KIRREL1: variants seen among roughly 807,000 people sequenced by gnomAD.
KIRREL1 encodes kin of IRRE-like protein 1.
Under a neutral mutation model 83.3 loss-of-function variants are expected in KIRREL1, and 25 were observed. The ratio of observed to expected loss-of-function variants is 0.30; its 90% CI spans 0.22 to 0.42. The LOEUF (loss-of-function observed/expected upper bound fraction) is 0.42, where lower values mean the gene tolerates loss of function less well. Ranked by LOEUF, KIRREL1 falls within the 10% of genes least tolerant of loss-of-function variation. KIRREL1 has a pLI of 1.00. For missense variants in KIRREL1, 812 were observed against 1,032.3 expected (o/e 0.79, Z 2.92); for synonymous variants, 388 against 410.4 (o/e 0.95, Z 0.66).
At position 158,088,070 on chromosome 1, in the gene KIRREL1, T is replaced by A; in HGVS notation, c.832T>A (p.Tyr278Asn). Residue 278 changes from tyrosine to asparagine, a missense_variant, in exon 7 of 15, where the codon TAT becomes AAT. Tyr to Asn is a moderately radical substitution (Grantham distance 143, BLOSUM62 -2). Coordinates refer to ENST00000359209, the MANE Select transcript of KIRREL1 (RefSeq NM_018240.7). ...HESRYETNVDYSFFTEPVSCE... is the reference protein window; with the variant it reads ...HESRYETNVDNSFFTEPVSCE... The stretch of plus-strand genomic sequence containing the variant: ...GAGTCGCTATGAGACAAATGTGGAT[T>A]ATTCCTTTTTCACGGAGCCTGTGTC... 6.2e-7 allele frequency: 1 copy of A among 1,614,160 alleles called. No homozygotes were observed. Among genetic ancestry groups the A allele is most frequent in the Non-Finnish European group, 8.5e-7 (1 of 1,180,042 alleles).
chr1:158,007,083 A>G (rs1187117696), intron 1 of KIRREL1, among the ~76,000 whole-genome samples: 2 of 152,182 alleles, frequency 1.3e-5, no homozygotes, highest in African/African-American at 4.8e-5. Flanking sequence ...ACTGAACCGT[A>G]TAAGTGCAAA....
In KIRREL1 at chr1:158,086,751, G is replaced by T; in HGVS notation, c.661+5G>T. ...CCATCGAGCTGGATGTGCACCGTGAGTGGGCTGGGGGGAGCAGTCTGGAGC... is the reference window on the plus strand; with the variant it reads ...CCATCGAGCTGGATGTGCACCGTGATTGGGCTGGGGGGAGCAGTCTGGAGC... On this transcript the variant is annotated splice_donor_5th_base_variant and intron_variant, in intron 5 of 14. Coordinates refer to ENST00000359209, the MANE Select transcript of KIRREL1 (RefSeq NM_018240.7). 1 of 1,550,460 alleles carries T rather than the reference G, an allele frequency of 6.4e-7. No individual in the cohort carries two copies. The highest frequency in any genetic ancestry group is 8.7e-7 in the Non-Finnish European group (1 of 1,146,378).
intron 10 of KIRREL1, 36 bp from the exon 11 acceptor site, chr1:158,091,322 C>T (rs1009650997): frequency 5.6e-6 from 9 of 1,595,610 alleles, no homozygotes; most frequent in Admixed American, 3.4e-5. Flanking sequence ...TGCCCCCTGC[C>T]CCTTTCTTAC....
chr1:158,046,263 T>C lies in KIRREL1; in HGVS notation c.53-29850T>C, dbSNP rs562481457. Among the ~76,000 whole-genome samples, 5 of 152,244 alleles carry C rather than the reference T, an allele frequency of 3.3e-5. No individual in the cohort carries two copies. In the South Asian group the frequency reaches 8.3e-4, roughly 25 times the overall value. ...AGAACCAGCAGGACTTCCTTATGGA[T>C]TGGACGAAGGGTGAGAGGGAAAGAT... On this transcript the variant is annotated intron_variant, in intron 1 of 14. Coordinates refer to ENST00000359209, the MANE Select transcript of KIRREL1 (RefSeq NM_018240.7).
intron 1 of KIRREL1, among the ~76,000 whole-genome samples, chr1:158,052,213 G>A (rs1334091443): frequency 6.6e-6 from 1 of 152,092 alleles, no homozygotes; most frequent in African/African-American, 2.4e-5. Flanking sequence ...AGAACCAGTT[G>A]CATATGCAGC....
At chr1:158,085,982 G>A (rs1662001817) in intron 4 of KIRREL1, among the ~76,000 whole-genome samples, 1 of 152,196 alleles carries the variant, frequency 6.6e-6, no homozygotes, top group Non-Finnish European at 1.5e-5. Flanking sequence ...ATTCAGTCTG[G>A]GAGAGAGTTC....
At chr1:158,077,626 A>G (rs1456431275) in intron 2 of KIRREL1, among the ~76,000 whole-genome samples, 1 of 152,094 alleles carries the variant, frequency 6.6e-6, no homozygotes. Context: ...GCGATGCCCT[A>G]TATTTCCTGG....
chr1:158,094,185 A>G lies in KIRREL1; in HGVS notation c.1720-128A>G, dbSNP rs764381909. The G allele has an allele frequency of 9.0e-6, 7 of 774,858 alleles. No individual in the cohort carries two copies. Among genetic ancestry groups the G allele is most frequent in the Non-Finnish European group, 1.6e-5 (7 of 445,770 alleles). 48.0% of individuals were successfully genotyped at this position (774,858 alleles called of 1,614,324 possible). A position where few individuals can be genotyped will look rare whatever the true frequency, so the allele number is the denominator to read the frequency against. ...CAGAGCCTCTGCTGAGAGGACCAGA[A>G]CTCAAGTCTGCCCTTGACCTCAGAC... On this transcript the variant is annotated intron_variant, in intron 13 of 14. Coordinates refer to ENST00000359209, the MANE Select transcript of KIRREL1 (RefSeq NM_018240.7). This position sits in a 1 kb window ranked among gnomAD's most constrained non-coding sequence, Gnocchi z 4.6.
At chr1:158,034,022 CCA>C (rs1660401673) in intron 1 of KIRREL1, among the ~76,000 whole-genome samples, 1 of 151,798 alleles carries the variant, frequency 6.6e-6, no homozygotes, top group African/African-American at 2.4e-5. Flanking sequence ...GCCTGTAATC[CCA>C]GCACTTTGGG....
At chr1:158,038,459 C>T (rs1475356213) in intron 1 of KIRREL1, among the ~76,000 whole-genome samples, 2 of 150,086 alleles carry the variant, frequency 1.3e-5, no homozygotes, top group East Asian at 1.9e-4. Flanking sequence ...TGGTGTCTTC[C>T]AGTCCTTTTA....
chr1:158,058,368 T>TA (rs1661123743), intron 1 of KIRREL1, among the ~76,000 whole-genome samples: 1 of 152,146 alleles, frequency 6.6e-6, no homozygotes, highest in Non-Finnish European at 1.5e-5. Context: ...GACGAGTTAT[T>TA]AAAAATCCTT....
chr1:157,995,587 C>T (rs998276393), intron 1 of KIRREL1, among the ~76,000 whole-genome samples: 1 of 152,178 alleles, frequency 6.6e-6, no homozygotes, highest in African/African-American at 2.4e-5. Context: ...ACAGCCCTTA[C>T]ATGTCAGCAT....
In KIRREL1 at chr1:158,084,551, C is replaced by A. The variant is rs558318410; in HGVS notation, c.482C>A (p.Thr161Lys). ...AATIIWFRDG[T>K]QQEGAVASTE... ...ACCATCATCTGGTTCCGGGACGGGA[C>A]GCAGCAGGAGGGCGCTGTGGCCAGC... Residue 161 changes from threonine (T) to lysine (K), a missense_variant, in exon 4 of 15, where the codon ACG (threonine) becomes AAG (lysine). By Grantham distance (78) the Thr-to-Lys change is moderately conservative (BLOSUM62 -1). Around this residue, in one of 3 missense-constraint regions of KIRREL1, gnomAD observed 472 missense variants for 626.8 expected, o/e 0.75. Transcript: ENST00000359209. 3.2e-5 allele frequency: 50 copies of A among 1,551,620 alleles called. No individual in the cohort carries two copies. Among genetic ancestry groups the A allele is most frequent in the Non-Finnish European group, 4.3e-5 (49 of 1,147,006 alleles).
At chr1:158,037,503 A>G (rs1398795134) in intron 1 of KIRREL1, among the ~76,000 whole-genome samples, 1 of 151,870 alleles carries the variant, frequency 6.6e-6, no homozygotes, top group East Asian at 1.9e-4. Context: ...AAAAAAAAAA[A>G]AAAAAAAAAG....
intron 1 of KIRREL1, among the ~76,000 whole-genome samples, chr1:158,036,180 G>A (rs986420803): frequency 4.6e-5 from 7 of 152,190 alleles, no homozygotes; most frequent in East Asian, 1.9e-4. Flanking sequence ...TGCAAATGGC[G>A]CCCCCTGGAG....
intron 1 of KIRREL1, among the ~76,000 whole-genome samples, chr1:158,021,675 T>C (rs1660007095): frequency 2.0e-5 from 3 of 152,148 alleles, no homozygotes; most frequent in African/African-American, 7.2e-5. Context: ...ATATATAAAA[T>C]TATGTTTTCA....
At chr1:158,090,560 A>G (rs1324023754) in intron 10 of KIRREL1, among the ~76,000 whole-genome samples, 1 of 152,036 alleles carries the variant, frequency 6.6e-6, no homozygotes, top group Non-Finnish European at 1.5e-5. Context: ...ATCTAGGAGG[A>G]TTGATCCCTG....
intron 1 of KIRREL1, among the ~76,000 whole-genome samples, chr1:158,037,760 A>G (rs1001823925): frequency 2.0e-5 from 3 of 152,156 alleles, no homozygotes; most frequent in African/African-American, 7.2e-5. Context: ...AGGCTCTTGC[A>G]GCCTCACTTT....
chr1:158,018,656 G>T (rs927447915), intron 1 of KIRREL1, among the ~76,000 whole-genome samples: 2 of 152,168 alleles, frequency 1.3e-5, no homozygotes, highest in African/African-American at 4.8e-5. Flanking sequence ...GGGACTGCTA[G>T]AATGAGGAAG....
Sources: gnomAD v4.1 joint callset for allele counts (sites outside exome capture counted in the v4.1 genomes callset) on GRCh38, gnomAD v4.1.1 for gene constraint, gnomAD v4.1.1 regional missense constraint, Gnocchi (gnomAD v3.1) non-coding constraint, MANE v1.5 for transcripts, NCBI Gene and HGNC (gene_info 2026-07-23, HGNC 2026-07-21) for gene names.